ODF2L: variants seen among roughly 807,000 people sequenced by gnomAD.
ODF2L encodes the protein protein BCAP.
In ODF2L, 76 loss-of-function variants were observed where a neutral mutation model predicts 86.3. The ratio of observed to expected loss-of-function variants is 0.88; its 90% CI spans 0.73 to 1.07. ODF2L has a LOEUF of 1.07. ODF2L is among the 50% of genes least tolerant of loss of function. The probability of loss-of-function intolerance (pLI) is 0.00; values close to 1 mark genes in which losing one functional copy is unlikely to be tolerated. For synonymous variants in ODF2L, 241 were observed against 231.3 expected (o/e 1.04, Z -0.38); for missense variants, 748 against 717.4 (o/e 1.04, Z -0.49).
chr1:86,385,548 T>C (rs758663390), exon 3 of ODF2L: 1 of 1,611,080 alleles, frequency 6.2e-7, no homozygotes, highest in East Asian at 2.2e-5. Flanking sequence ...CCTTAAGTGT[T>C]GCTTCCAATT....
At position 86,387,098 on chromosome 1, in the gene ODF2L, T is replaced by G. The variant is rs1301747032; in HGVS notation, c.-59-12A>C. On this transcript the variant is annotated splice_polypyrimidine_tract_variant and intron_variant, in intron 1 of 17. Transcript: ENST00000317336. ...ACATAAGCTGAAAGCTAGGAAATAT[T>G]TTAGTTATTAAATTTATTTCAATAG... 7.2e-6 allele frequency: 5 copies of G among 690,382 alleles called. No homozygotes were observed. The East Asian group carries it at 1.5e-4, about 21-fold the overall frequency. 42.8% of individuals were successfully genotyped at this position (690,382 alleles called of 1,614,324 possible). A position where few individuals can be genotyped will look rare whatever the true frequency, so the allele number is the denominator to read the frequency against.
At chr1:86,379,016 C>T (rs537278831) in intron 7 of ODF2L, among the ~76,000 whole-genome samples, 11 of 151,950 alleles carry the variant, frequency 7.2e-5, no homozygotes, top group South Asian at 6.2e-4. Flanking sequence ...TGAGTTCTTG[C>T]GAAATCAGGT....
At chr1:86,358,944 T>TA in intron 12 of ODF2L, 53 bp from the exon 12 acceptor site, 1 of 839,652 alleles carries the variant, frequency 1.2e-6, no homozygotes, top group Non-Finnish European at 1.8e-6. Context: ...TAACATGAGA[T>TA]AAAAATCTAA....
At chr1:86,396,056 T>G (rs1417586101) in exon 1 of ODF2L, 6 of 152,286 alleles carry the variant, frequency 3.9e-5, no homozygotes, top group African/African-American at 1.4e-4. Flanking sequence ...CGTCCGCACG[T>G]CGTCGTGACG....
downstream of ODF2L, chr1:86,348,687 T>TA (rs1657924852): frequency 1.6e-6 from 2 of 1,267,842 alleles, no homozygotes; most frequent in Non-Finnish European, 2.1e-6. Flanking sequence ...TTTATTTTTT[T>TA]ACCCAATCAC....
intron 7 of ODF2L, among the ~76,000 whole-genome samples, chr1:86,380,548 T>C (rs1660509479): frequency 1.3e-5 from 2 of 152,128 alleles, no homozygotes; most frequent in Non-Finnish European, 2.9e-5. Flanking sequence ...TTGAACATAG[T>C]TCCAGACACG....
At chr1:86,380,366 A>G (rs4656044) in intron 7 of ODF2L, among the ~76,000 whole-genome samples, 48,165 of 152,056 alleles carry the variant, frequency 0.32, 7,756 homozygotes, top group East Asian at 0.41. Flanking sequence ...CCCATAAAAC[A>G]TAAGTAGCTG....
chr1:86,383,063 T>A, intron 5 of ODF2L, 61 bp from the exon 6 acceptor site: 5 of 1,303,496 alleles, frequency 3.8e-6, no homozygotes, highest in Non-Finnish European at 5.5e-6. Flanking sequence ...TGGCTAACTT[T>A]ATAAAACCAA....
At chr1:86,372,709 CA>C in intron 8 of ODF2L, 169 bp from the exon 9 acceptor site, 1 of 398,634 alleles carries the variant, frequency 2.5e-6, no homozygotes, top group Non-Finnish European at 4.5e-6. Flanking sequence ...TTCATAATTG[CA>C]AAAATATGGA....
At chr1:86,394,640 A>T (rs1459561700) in intron 1 of ODF2L, among the ~76,000 whole-genome samples, 1 of 152,144 alleles carries the variant, frequency 6.6e-6, no homozygotes, top group African/African-American at 2.4e-5. Flanking sequence ...AGATCACTAA[A>T]TTCCATTGTT....
intron 2 of ODF2L, chr1:86,386,689 G>A (rs1019361420): frequency 1.5e-5 from 6 of 405,636 alleles, no homozygotes; most frequent in African/African-American, 1.2e-4. Context: ...CGCCCGGCCA[G>A]GTTTTCATTT....
chr1:86,381,294 C>T (rs1292817030), intron 7 of ODF2L, among the ~76,000 whole-genome samples: 3 of 152,098 alleles, frequency 2.0e-5, no homozygotes, highest in South Asian at 2.1e-4. Context: ...TTCAATCATA[C>T]ATCAGATGTA....
chr1:86,383,110 C>T (rs1660698044), intron 5 of ODF2L, 24 bp downstream of exon 5: 1 of 1,472,884 alleles, frequency 6.8e-7, no homozygotes, highest in Non-Finnish European at 9.4e-7. Context: ...AGAATGGACA[C>T]AAAGTAAGTG....
At chr1:86,358,147 T>A (rs1658735676) in intron 13 of ODF2L, 3 of 950,582 alleles carry the variant, frequency 3.2e-6, no homozygotes, top group Non-Finnish European at 3.8e-6. Context: ...CTTATTAGAT[T>A]CAGATGGAAG....
chr1:86,373,166 T>C (rs574858043), intron 8 of ODF2L, among the ~76,000 whole-genome samples: 36 of 152,302 alleles, frequency 2.4e-4, no homozygotes, highest in African/African-American at 7.7e-4. Context: ...AAAGTAAATA[T>C]CTATATTGCT....
chr1:86,371,626 T>A (rs929364874), intron 9 of ODF2L, among the ~76,000 whole-genome samples: 2 of 152,154 alleles, frequency 1.3e-5, no homozygotes, highest in Non-Finnish European at 2.9e-5. Flanking sequence ...TATTCAGGGT[T>A]CATTATAGTG....
chr1:86,356,602 T>G lies in ODF2L; in HGVS notation c.1360A>C (p.Met454Leu), dbSNP rs753310368. Residue 454 changes from methionine (M) to leucine (L), a missense_variant and splice_region_variant, in exon 14 of 18, where the codon ATG becomes CTG. Met to Leu is a conservative substitution (Grantham distance 15). Transcript: ENST00000317336. ...AGATGAGACTCCATCTGGCCTCTCA[T>G]CTGAGTTGTGGCAGTAGGGAAATAA... 2.5e-6 allele frequency: 4 copies of G among 1,612,042 alleles called. No homozygotes were observed. The Admixed American group carries it at 6.7e-5, about 27-fold the overall frequency.
intron 4 of ODF2L, among the ~76,000 whole-genome samples, chr1:86,383,757 A>G (rs1017127464): frequency 1.3e-5 from 2 of 151,812 alleles, no homozygotes; most frequent in Non-Finnish European, 3.0e-5. Context: ...GGAATTTCAG[A>G]GGGTACATGG....
chr1:86,367,926 G>A (rs548197783), intron 11 of ODF2L, among the ~76,000 whole-genome samples: 1 of 152,240 alleles, frequency 6.6e-6, no homozygotes, highest in Admixed American at 6.5e-5. Flanking sequence ...TCTTAGTATT[G>A]GTAAGCAGGG....
Sources: allele counts gnomAD v4.1 joint callset (sites outside exome capture counted in the v4.1 genomes callset), GRCh38; gene constraint gnomAD v4.1.1; transcripts MANE v1.5; gene names NCBI Gene and HGNC (gene_info 2026-07-23, HGNC 2026-07-21).